The following PALLD variants were observed in gnomAD, a reference collection of about 807,000 sequenced individuals.
PALLD encodes the protein palladin, cytoskeletal associated protein.
PALLD carries 61 observed loss-of-function variants against 123.5 expected under a neutral mutation model. The ratio of observed to expected loss-of-function variants is 0.49; its 90% confidence interval spans 0.40 to 0.61. The LOEUF (loss-of-function observed/expected upper bound fraction) is 0.61, where lower values mean the gene tolerates loss of function less well. Ranked by LOEUF, PALLD falls within the 20% of genes least tolerant of loss-of-function variation. The pLI, the probability that PALLD is intolerant of heterozygous loss-of-function variation, is 0.00. For synonymous variants in PALLD, 465 were observed against 496.4 expected (o/e 0.94, Z 0.84); for missense variants, 1,273 against 1,377.0 (o/e 0.92, Z 1.20).
At chr4:168,708,575 T>TC (rs1211096970) in intron 8 of PALLD, among the ~76,000 whole-genome samples, 2 of 152,188 alleles carry the variant, frequency 1.3e-5, no homozygotes, top group Non-Finnish European at 2.9e-5. Context: ...TGTTCTTTTT[T>TC]CCCCCGTGGT....
chr4:168,632,406 A>T (rs1021794665), intron 2 of PALLD, among the ~76,000 whole-genome samples: 1 of 152,188 alleles, frequency 6.6e-6, no homozygotes, highest in Admixed American at 6.5e-5. Flanking sequence ...AGCTGGAAAC[A>T]CTTTGTTTCT....
intron 10 of PALLD, among the ~76,000 whole-genome samples, chr4:168,827,334 G>A (rs529370421): frequency 3.3e-5 from 5 of 152,186 alleles, no homozygotes; most frequent in Non-Finnish European, 7.3e-5. Context: ...ATGAGGCTGA[G>A]CCTCTTTAGA....
intron 14 of PALLD, among the ~76,000 whole-genome samples, chr4:168,900,070 G>A (rs1335176152): frequency 6.6e-6 from 1 of 152,180 alleles, no homozygotes; most frequent in Non-Finnish European, 1.5e-5. Flanking sequence ...CACACAGCAA[G>A]AGTAGGAGCA....
chr4:168,649,999 C>T (rs1027553972), intron 2 of PALLD, among the ~76,000 whole-genome samples: 3 of 151,998 alleles, frequency 2.0e-5, no homozygotes, highest in East Asian at 3.9e-4. Flanking sequence ...CATGGTGAAA[C>T]CCCATCTCTA....
At chr4:168,742,706 C>G (rs972743620) in intron 10 of PALLD, among the ~76,000 whole-genome samples, 1 of 152,102 alleles carries the variant, frequency 6.6e-6, no homozygotes, top group Non-Finnish European at 1.5e-5. Context: ...GTTCGTTTCA[C>G]AGTTCAACTG....
At position 168,889,703 on chromosome 4, in the gene PALLD, G is replaced by A. The variant is rs538280305; in HGVS notation, c.1965-1219G>A. 4.6e-5 allele frequency among the ~76,000 whole-genome samples: 7 copies of A among 152,186 alleles called. No individual in the cohort carries two copies. The East Asian group carries it at 1.4e-3, about 29-fold the overall frequency. On this transcript the variant is annotated intron_variant, in intron 10 of 21. Transcript: ENST00000505667. ...CTTCATGGTTTTACCATGTATGTAT[G>A]CTCCCCTCAGTTTCTTTCTAAAACT...
chr4:168,640,081 T>C (rs1233203161), intron 2 of PALLD, among the ~76,000 whole-genome samples: 1 of 152,204 alleles, frequency 6.6e-6, no homozygotes, highest in Non-Finnish European at 1.5e-5. Flanking sequence ...GACGATGACC[T>C]CACAATTCCT....
chr4:168,898,139 G>A (rs2151257813), intron 13 of PALLD: 1 of 319,844 alleles, frequency 3.1e-6, no homozygotes, highest in Admixed American at 4.4e-5. Context: ...AAGGAAATCA[G>A]CGTTCCATTA....
rs145907459 is a variant in PALLD at position 168,683,892 on chromosome 4, C to T, written c.1260+789C>T. 1.9e-3 allele frequency among the ~76,000 whole-genome samples: 285 copies of T among 152,136 alleles called. 1 individual carries two copies. The highest frequency in any genetic ancestry group is 3.3e-3 in the Non-Finnish European group (224 of 68,006). On this transcript the variant is annotated intron_variant, in intron 5 of 21. Transcript: ENST00000505667. ...GGGGTGTTTCAGCCACTATAGAGGC[C>T]AATAGGTGCTATCGATATGTGGAAA...
chr4:168,793,225 A>G, intron 10 of PALLD, among the ~76,000 whole-genome samples: 1 of 16,846 alleles, frequency 5.9e-5, no homozygotes, highest in Admixed American at 7.0e-4. Flanking sequence ...ATATGTGTGC[A>G]TATATATACA....
At chr4:168,646,775 A>G (rs1246381655) in intron 2 of PALLD, among the ~76,000 whole-genome samples, 1 of 152,220 alleles carries the variant, frequency 6.6e-6, no homozygotes, top group Non-Finnish European at 1.5e-5. Context: ...GATGTCTTAC[A>G]CTATAAAATC....
At chr4:168,890,898 C>T (rs374124388) in intron 10 of PALLD, 24 bp from the exon 11 acceptor site, 12 of 1,613,312 alleles carry the variant, frequency 7.4e-6, no homozygotes, top group African/African-American at 1.3e-5. Context: ...ACTAACTATA[C>T]TGCCTTGTGT....
intron 2 of PALLD, among the ~76,000 whole-genome samples, chr4:168,640,308 C>T (rs996403352): frequency 1.3e-5 from 2 of 152,172 alleles, no homozygotes; most frequent in African/African-American, 2.4e-5. Flanking sequence ...TTCATCAACT[C>T]ATTTGGGACT....
chr4:168,924,085 C>T (rs1431720732), intron 18 of PALLD, among the ~76,000 whole-genome samples, 170 bp from the exon 19 acceptor site: 1 of 152,134 alleles, frequency 6.6e-6, no homozygotes, highest in Non-Finnish European at 1.5e-5. Context: ...AGTATACAGA[C>T]CTTTGCTTGG....
At chr4:168,600,191 T>C (rs1401496727) in intron 2 of PALLD, among the ~76,000 whole-genome samples, 1 of 152,066 alleles carries the variant, frequency 6.6e-6, no homozygotes, top group Non-Finnish European at 1.5e-5. Flanking sequence ...ATATAAACGG[T>C]GTGCGTGTGT....
Position 168,721,789 on chromosome 4 carries a change from C to A in PALLD, c.1964+9866C>A, listed in dbSNP as rs575105589. Among the ~76,000 whole-genome samples, 8 of 152,304 alleles carry A rather than the reference C, an allele frequency of 5.3e-5. No individual in the cohort carries two copies. In the East Asian group the frequency reaches 1.5e-3, roughly 29 times the overall value. The stretch of plus-strand genomic sequence containing the variant: ...TGAGCACATTCAGAAGTGGAATGCT[C>A]TGGCACTGAATGTTCTCACCTCCCG... On this transcript the variant is annotated intron_variant, in intron 10 of 21. Coordinates refer to ENST00000505667, the MANE Select transcript of PALLD (RefSeq NM_001166108.2).
intron 17 of PALLD, among the ~76,000 whole-genome samples, chr4:168,920,752 T>A (rs1254508207): frequency 1.3e-5 from 2 of 152,236 alleles, no homozygotes; most frequent in East Asian, 3.8e-4. Flanking sequence ...CTCTTGTTAT[T>A]CAGTTTCAAG....
chr4:168,750,083 G>A (rs990222155), intron 10 of PALLD, among the ~76,000 whole-genome samples: 4 of 151,966 alleles, frequency 2.6e-5, no homozygotes, highest in Non-Finnish European at 4.4e-5. Context: ...GAGTAGCTGG[G>A]ATTACAGGCA....
chr4:168,537,120 A>G (rs1363871878), intron 2 of PALLD, among the ~76,000 whole-genome samples: 2 of 152,146 alleles, frequency 1.3e-5, no homozygotes, highest in African/African-American at 4.8e-5. Context: ...CACCGCGCCC[A>G]GCGGAAAAGA....
Sources: gnomAD v4.1 joint callset for allele counts (sites outside exome capture counted in the v4.1 genomes callset) on GRCh38, gnomAD v4.1.1 for gene constraint, MANE v1.5 for transcripts, NCBI Gene and HGNC (gene_info 2026-07-23, HGNC 2026-07-21) for gene names.